Variants in NEDD4 observed in about 807,000 individuals in gnomAD.
NEDD4 encodes the protein NEDD4 E3 ubiquitin protein ligase.
Under a neutral mutation model 144.9 loss-of-function variants are expected in NEDD4, and 99 were observed. That is an observed-to-expected ratio of 0.68 (90% CI 0.58 to 0.81). NEDD4 has a LOEUF of 0.81. Ranked by LOEUF, NEDD4 falls within the 30% of genes least tolerant of loss-of-function variation. NEDD4 has a pLI of 0.00. For missense variants in NEDD4, 985 were observed against 1,065.9 expected, an observed-to-expected ratio of 0.92 and a Z score of 1.06; for synonymous variants, 318 against 350.6, an observed-to-expected ratio of 0.91 and a Z score of 1.04.
At chr15:55,942,429 C>T (rs777228138) in intron 4 of NEDD4, among the ~76,000 whole-genome samples, 3 of 152,160 alleles carry the variant, frequency 2.0e-5, no homozygotes, top group African/African-American at 4.8e-5. Flanking sequence ...GACCGGATCA[C>T]GGAGGCAGAC....
intron 4 of NEDD4, among the ~76,000 whole-genome samples, chr15:55,928,758 T>C (rs2036723518): frequency 1.3e-5 from 2 of 152,220 alleles, no homozygotes; most frequent in South Asian, 2.1e-4. Context: ...ATTTACTACA[T>C]TTTTTCCTTT....
At chr15:55,849,191 GA>G (rs1335096122) in intron 14 of NEDD4, among the ~76,000 whole-genome samples, 10 of 152,118 alleles carry the variant, frequency 6.6e-5, no homozygotes, top group Non-Finnish European at 2.9e-5. Flanking sequence ...AAAAACTGGT[GA>G]AAGAGTAGGA....
chr15:55,834,359 C>T, intron 24 of NEDD4, 73 bp from the exon 25 acceptor site: 1 of 888,126 alleles, frequency 1.1e-6, no homozygotes, highest in Non-Finnish European at 1.8e-6. Flanking sequence ...CTTCTGGATG[C>T]TACTGGAGGA....
chr15:55,916,704 G>A (rs2036460331), intron 5 of NEDD4: 4 of 1,614,024 alleles, frequency 2.5e-6, no homozygotes, highest in Non-Finnish European at 3.4e-6. Flanking sequence ...AACGTTAGAC[G>A]TTGAAATCCG....
chr15:55,860,462 T>C lies in NEDD4; in HGVS notation c.905A>G (p.Asn302Ser). ...DVPTHLAEEL[N>S]ARLTIFGNSA... ...ATTTCCAAAAATGGTGAGTCTGGCATTCAATTCTTCTGCAAGATGAGTTGG... is the reference window on the plus strand; with the variant it reads ...ATTTCCAAAAATGGTGAGTCTGGCACTCAATTCTTCTGCAAGATGAGTTGG... The change falls in exon 11 of 29, where the codon AAT (asparagine) becomes AGT (serine). Residue 302 changes from asparagine (N) to serine (S), a missense_variant. Asn to Ser is a conservative substitution (Grantham distance 46). Transcript: ENST00000435532. The C allele has an allele frequency of 6.2e-7, 1 of 1,614,156 alleles. No individual in the cohort carries two copies. The highest frequency in any genetic ancestry group is 2.2e-5 in the East Asian group (1 of 44,882).
At chr15:55,942,039 G>A (rs1414567981) in intron 4 of NEDD4, among the ~76,000 whole-genome samples, 3 of 149,330 alleles carry the variant, frequency 2.0e-5, no homozygotes, top group Non-Finnish European at 3.0e-5. Flanking sequence ...TGGTAGTGTT[G>A]TTCAAATCAT....
chr15:55,953,717 C>A (rs1379509742), intron 2 of NEDD4, among the ~76,000 whole-genome samples: 1 of 152,082 alleles, frequency 6.6e-6, no homozygotes, highest in African/African-American at 2.4e-5. Context: ...GCTGGGATTA[C>A]AGGCATGAGC....
chr15:55,848,562 T>C lies in NEDD4; in HGVS notation c.1442A>G (p.Glu481Gly). Residue 481 changes from glutamate (E) to glycine (G), a missense_variant, in exon 16 of 29, where the codon GAG (glutamate) becomes GGG (glycine). Glu to Gly is a moderately conservative substitution (Grantham distance 98, BLOSUM62 -2). Coordinates refer to ENST00000435532, the MANE Select transcript of NEDD4 (RefSeq NM_006154.4). ...GATTCTTCCATCTGTGTGAGTTCTC[T>C]CTTCCCATCCTGGCTATAATTAAAA... ...DLGPLPPGWE[E>G]RTHTDGRIFY... The C allele has an allele frequency of 6.2e-7, 1 of 1,613,210 alleles. No homozygotes were observed. Among genetic ancestry groups the C allele is most frequent in the Non-Finnish European group, 8.5e-7 (1 of 1,179,412 alleles).
At chr15:55,860,337 T>C (rs2142032241) in intron 11 of NEDD4, 70 bp downstream of exon 11, 1 of 1,456,730 alleles carries the variant, frequency 6.9e-7, no homozygotes, top group East Asian at 2.3e-5. Flanking sequence ...ACATAAAAGT[T>C]AGTTGTTGAA....
Position 55,874,024 on chromosome 15 carries a change from GAAAAAATAT to G in NEDD4, c.292-25_292-17del. 7.0e-7 allele frequency: 1 copy of G among 1,436,574 alleles called. No individual in the cohort carries two copies. The highest frequency in any genetic ancestry group is 1.8e-4 in the Middle Eastern group (1 of 5,668). The allele number at this position is 1,436,574 out of a possible 1,614,324, so 89.0% of individuals were successfully genotyped here. A position where few individuals can be genotyped will look rare whatever the true frequency, so the allele number is the denominator to read the frequency against. On this transcript the variant is annotated splice_polypyrimidine_tract_variant and intron_variant, in intron 5 of 28. Coordinates refer to ENST00000435532, the MANE Select transcript of NEDD4 (RefSeq NM_006154.4). The stretch of plus-strand genomic sequence containing the variant: ...CATCTCTTGTCTATAAGAGAAGGAA[GAAAAAATAT>G]AATTAGTAATACGCTCAATTCCTTT...
Position 55,951,613 on chromosome 15 carries a change from A to G in NEDD4, c.120-24T>C, listed in dbSNP as rs576732522. 2.5e-4 allele frequency: 363 copies of G among 1,439,664 alleles called. 3 individuals are homozygous for G. The highest frequency in any genetic ancestry group is 2.1e-3 in the South Asian group (140 of 66,254). 89.2% of individuals were successfully genotyped at this position (1,439,664 alleles called of 1,614,324 possible). ...CACTGTTAAAAAAAAAAAAAAAAAG[A>G]AAGAAAAATTTTAATTATTGCTTAC... On this transcript the variant is annotated intron_variant, in intron 2 of 28. Coordinates refer to ENST00000435532, the MANE Select transcript of NEDD4 (RefSeq NM_006154.4).
chr15:55,882,316 A>C (rs1217683016), intron 5 of NEDD4, among the ~76,000 whole-genome samples: 1 of 152,094 alleles, frequency 6.6e-6, no homozygotes. Flanking sequence ...CACCCCCTCC[A>C]TCCCCTGGCA....
At chr15:55,909,871 C>G (rs12593446) in intron 5 of NEDD4, among the ~76,000 whole-genome samples, 1 of 151,996 alleles carries the variant, frequency 6.6e-6, no homozygotes, top group Non-Finnish European at 1.5e-5. Flanking sequence ...TCTATTTTGT[C>G]TCGTCTTATT....
intron 2 of NEDD4, among the ~76,000 whole-genome samples, chr15:55,954,579 C>T (rs1007311553): frequency 2.0e-5 from 3 of 152,046 alleles, no homozygotes; most frequent in Non-Finnish European, 4.4e-5. Flanking sequence ...GGCTGGAATG[C>T]AATGGCGCGA....
At chr15:55,932,202 C>T (rs554011413) in intron 4 of NEDD4, among the ~76,000 whole-genome samples, 34 of 152,224 alleles carry the variant, frequency 2.2e-4, no homozygotes, top group African/African-American at 8.2e-4. Context: ...GCTTTACCTG[C>T]ATTGCCAAGA....
chr15:55,867,166 T>C (rs1048404123), intron 8 of NEDD4, among the ~76,000 whole-genome samples: 3 of 152,304 alleles, frequency 2.0e-5, no homozygotes, highest in East Asian at 3.9e-4. Flanking sequence ...AAAATTACAA[T>C]TGTTTTCCTT....
At chr15:55,942,725 T>C (rs890615245) in intron 4 of NEDD4, among the ~76,000 whole-genome samples, 1 of 151,966 alleles carries the variant, frequency 6.6e-6, no homozygotes, top group Non-Finnish European at 1.5e-5. Flanking sequence ...ATACAGAAAA[T>C]TGGTAATGGG....
chr15:55,957,320 G>C (rs1294829483), intron 2 of NEDD4, among the ~76,000 whole-genome samples: 2 of 152,062 alleles, frequency 1.3e-5, no homozygotes, highest in South Asian at 4.1e-4. Context: ...AAAATATATA[G>C]TACAATGTTG....
intron 5 of NEDD4, among the ~76,000 whole-genome samples, chr15:55,897,148 G>A (rs1380398283): frequency 2.6e-5 from 4 of 151,932 alleles, no homozygotes; most frequent in Non-Finnish European, 5.9e-5. Context: ...TAATTTTTTT[G>A]TATTTTTGTA....
Sources: allele counts gnomAD v4.1 joint callset (sites outside exome capture counted in the v4.1 genomes callset), GRCh38; gene constraint gnomAD v4.1.1; transcripts MANE v1.5; gene names NCBI Gene and HGNC (gene_info 2026-07-23, HGNC 2026-07-21).